Variants in LCE3D observed in about 807,000 individuals in gnomAD.
The protein encoded by LCE3D is late cornified envelope protein 3D.
For missense variants in LCE3D, 124 were observed against 121.1 expected, an observed-to-expected ratio of 1.02 and a Z score of -0.11; for synonymous variants, 46 against 47.3, an observed-to-expected ratio of 0.97 and a Z score of 0.11.
Position 152,579,968 on chromosome 1 carries a change from C to T in LCE3D, c.-21-11G>A, listed in dbSNP as rs1557783928. 1.9e-6 allele frequency: 3 copies of T among 1,613,840 alleles called. No individual in the cohort carries two copies. Among genetic ancestry groups the T allele is most frequent in the Non-Finnish European group, 2.5e-6 (3 of 1,180,022 alleles). ...AGGAGTTGAGTTGTCCTGGACAAAA[C>T]AAAGCCATTTGTTAGTCCAAAATCT... On this transcript the variant is annotated splice_polypyrimidine_tract_variant and intron_variant, in intron 1 of 1. Transcript: ENST00000368787.
intron 1 of LCE3D, 28 bp from the exon 2 acceptor site, chr1:152,579,985 C>T: frequency 6.2e-7 from 1 of 1,612,922 alleles, no homozygotes. Context: ...ATTTGTTAGT[C>T]CAAAATCTAC....
chr1:152,579,538 G>T lies in LCE3D; in HGVS notation c.*120C>A. 1 of 1,505,566 alleles carries T rather than the reference G, an allele frequency of 6.6e-7. No homozygotes were observed. The highest frequency in any genetic ancestry group is 9.0e-7 in the Non-Finnish European group (1 of 1,109,994). The allele number at this position is 1,505,566 out of a possible 1,614,324, so 93.3% of individuals were successfully genotyped here. A position where few individuals can be genotyped will look rare whatever the true frequency, so the allele number is the denominator to read the frequency against. On this transcript the variant is annotated 3_prime_UTR_variant, in exon 2 of 2. Coordinates refer to ENST00000368787, the MANE Select transcript of LCE3D (RefSeq NM_032563.2). ...CAGACCTTCCACAGGAAAACCCCTA[G>T]CTCAGCCTGTGAAAGCCAGAAGAGG...
At position 152,579,853 on chromosome 1, in the gene LCE3D, C is replaced by G; in HGVS notation, c.84G>C (p.Gln28His). The change falls in exon 2 of 2, where the codon CAG (glutamine) becomes CAC (histidine). Residue 28 changes from glutamine to histidine, a missense_variant. Coordinates refer to ENST00000368787, the MANE Select transcript of LCE3D (RefSeq NM_032563.2). ...AGCCAGAGGAAGCTGGAGGCAGACA[C>G]TGTACTGGGCTCTTTGGGGGACACT... is the stretch of plus-strand genomic sequence containing the variant. Reference protein sequence around the residue: ...SPKCPPKSPVQCLPPASSGCA... With the variant: ...SPKCPPKSPVHCLPPASSGCA... The G allele has an allele frequency of 6.2e-7, 1 of 1,613,928 alleles. No homozygotes were observed. Among genetic ancestry groups the G allele is most frequent in the East Asian group, 2.2e-5 (1 of 44,878 alleles).
rs1660175842 is a variant in LCE3D at position 152,579,535 on chromosome 1, C to T, written c.*123G>A. 3.3e-6 allele frequency: 5 copies of T among 1,492,844 alleles called. No individual in the cohort carries two copies. Among genetic ancestry groups the T allele is most frequent in the Middle Eastern group, 2.4e-4 (1 of 4,088 alleles). The allele number at this position is 1,492,844 out of a possible 1,614,324, so 92.5% of individuals were successfully genotyped here. A position where few individuals can be genotyped will look rare whatever the true frequency, so the allele number is the denominator to read the frequency against. ...GCTCAGACCTTCCACAGGAAAACCC[C>T]TAGCTCAGCCTGTGAAAGCCAGAAG... On this transcript the variant is annotated 3_prime_UTR_variant, in exon 2 of 2. Transcript: ENST00000368787.
At chr1:152,580,052 G>A in intron 1 of LCE3D, 95 bp from the exon 2 acceptor site, 1 of 1,484,868 alleles carries the variant, frequency 6.7e-7, no homozygotes, top group Non-Finnish European at 9.2e-7. Context: ...GGAAGGTGAG[G>A]GAAGCTGATG....
Position 152,579,553 on chromosome 1 carries a change from G to C in LCE3D, c.*105C>G, listed in dbSNP as rs550756109. The C allele has an allele frequency of 4.8e-5, 74 of 1,547,618 alleles. No homozygotes were observed. In the South Asian group the frequency reaches 8.8e-4, roughly 18 times the overall value. On this transcript the variant is annotated 3_prime_UTR_variant, in exon 2 of 2. Coordinates refer to ENST00000368787, the MANE Select transcript of LCE3D (RefSeq NM_032563.2). ...AAAACCCCTAGCTCAGCCTGTGAAAGCCAGAAGAGGGTATCTGGGAACTCA... is the reference window on the plus strand; with the variant it reads ...AAAACCCCTAGCTCAGCCTGTGAAACCCAGAAGAGGGTATCTGGGAACTCA...
chr1:152,580,078 A>ATGCCAGAT (rs1476407452), intron 1 of LCE3D, 121 bp from the exon 2 acceptor site: 36 of 1,152,830 alleles, frequency 3.1e-5, no homozygotes, highest in Non-Finnish European at 4.3e-5. Flanking sequence ...TTGGTGGGAC[A>ATGCCAGAT]TGCCAGATGC....
chr1:152,580,050 AG>A, intron 1 of LCE3D, 93 bp from the exon 2 acceptor site: 1 of 1,501,560 alleles, frequency 6.7e-7, no homozygotes, highest in Non-Finnish European at 9.1e-7. Context: ...CAGGAAGGTG[AG>A]GGAAGCTGAT....
At chr1:152,580,329 C>G in intron 1 of LCE3D, 140 bp downstream of exon 1, 1 of 250,060 alleles carries the variant, frequency 4.0e-6, no homozygotes, top group South Asian at 5.9e-5. Flanking sequence ...CCTCCTGGCC[C>G]CAGTTCCCAC....
Position 152,579,468 on chromosome 1 carries a change from G to T in LCE3D, c.*190C>A. ...CACAGGTACAGGGGTAAGGGAACAT[G>T]TGACATCCTGGACATCAGACAGGAA... is the stretch of plus-strand genomic sequence containing the variant. On this transcript the variant is annotated 3_prime_UTR_variant, in exon 2 of 2. Coordinates refer to ENST00000368787, the MANE Select transcript of LCE3D (RefSeq NM_032563.2). 1.2e-6 allele frequency: 1 copy of T among 813,296 alleles called. No individual in the cohort carries two copies. The highest frequency in any genetic ancestry group is 1.9e-6 in the Non-Finnish European group (1 of 523,648). The allele number at this position is 813,296 out of a possible 1,614,324, so 50.4% of individuals were successfully genotyped here. A position where few individuals can be genotyped will look rare whatever the true frequency, so the allele number is the denominator to read the frequency against.
Position 152,579,404 on chromosome 1 carries a change from A to AT in LCE3D, c.*253dup, listed in dbSNP as rs976994165. On this transcript the variant is annotated 3_prime_UTR_variant, in exon 2 of 2. Transcript: ENST00000368787. Reference sequence around the variant, plus strand: ...AGTGGTAATGAGGACAAGGAGCTTTATTTTTTGATGAGGTCAGGCACAAGC... The same window carrying AT: ...AGTGGTAATGAGGACAAGGAGCTTTATTTTTTTGATGAGGTCAGGCACAAGC... The AT allele has an allele frequency of 8.2e-4, 490 of 594,630 alleles. 3 individuals are homozygous for AT. The highest frequency in any genetic ancestry group is 1.3e-4 in the Non-Finnish European group (45 of 341,162). 36.8% of individuals were successfully genotyped at this position (594,630 alleles called of 1,614,324 possible). A position where few individuals can be genotyped will look rare whatever the true frequency, so the allele number is the denominator to read the frequency against.
At chr1:152,580,319 C>T (rs778350874) in intron 1 of LCE3D, 150 bp downstream of exon 1, 7 of 257,626 alleles carry the variant, frequency 2.7e-5, no homozygotes, top group Non-Finnish European at 5.2e-5. Context: ...GCAGGGTCTC[C>T]CTCCTGGCCC....
At chr1:152,580,024 C>T in intron 1 of LCE3D, 67 bp from the exon 2 acceptor site, 3 of 1,591,510 alleles carry the variant, frequency 1.9e-6, no homozygotes, top group Admixed American at 3.5e-5. Context: ...CCAGCGGCCT[C>T]CTGAGGCAAG....
Position 152,580,002 on chromosome 1 carries a change from A to G in LCE3D, c.-21-45T>C, listed in dbSNP as rs1483753284. 5.6e-6 allele frequency: 9 copies of G among 1,611,316 alleles called. No homozygotes were observed. The African/African-American group carries it at 8.0e-5, about 14-fold the overall frequency. On this transcript the variant is annotated intron_variant, in intron 1 of 1. Coordinates refer to ENST00000368787, the MANE Select transcript of LCE3D (RefSeq NM_032563.2). The stretch of plus-strand genomic sequence containing the variant: ...TTGTTAGTCCAAAATCTACAGTCCA[A>G]TGTCTCTAAGACCAGCGGCCTCCTG...
chr1:152,580,035 A>T, intron 1 of LCE3D, 78 bp from the exon 2 acceptor site: 1 of 1,559,836 alleles, frequency 6.4e-7, no homozygotes, highest in Non-Finnish European at 8.7e-7. Flanking sequence ...CTGAGGCAAG[A>T]GCTGCAGGAA....
Position 152,579,825 on chromosome 1 carries a change from C to A in LCE3D, c.112G>T (p.Ala38Ser), listed in dbSNP as rs1308488331. 6.2e-7 allele frequency: 1 copy of A among 1,613,886 alleles called. No individual in the cohort carries two copies. The highest frequency in any genetic ancestry group is 8.5e-7 in the Non-Finnish European group (1 of 1,180,030). Residue 38 changes from alanine (A) to serine (S), a missense_variant, in exon 2 of 2, where the codon GCC becomes TCC. By Grantham distance (99) the Ala-to-Ser change is moderately conservative. Coordinates refer to ENST00000368787, the MANE Select transcript of LCE3D (RefSeq NM_032563.2). Reference protein sequence around the residue: ...QCLPPASSGCAPSSGGCGPSS... With the variant: ...QCLPPASSGCSPSSGGCGPSS... ...GGGCCACAGCCCCCAGAGCTTGGGG[C>A]ACAGCCAGAGGAAGCTGGAGGCAGA...
In LCE3D at chr1:152,579,454, G is replaced by C. The variant is rs1660174689; in HGVS notation, c.*204C>G. The C allele has an allele frequency of 2.7e-6, 2 of 736,164 alleles. No individual in the cohort carries two copies. The highest frequency in any genetic ancestry group is 2.9e-5 in the Admixed American group (1 of 34,204). The allele number at this position is 736,164 out of a possible 1,614,324, so 45.6% of individuals were successfully genotyped here. ...CACTGCCAATCCTTCACAGGTACAGGGGTAAGGGAACATGTGACATCCTGG... is the reference window on the plus strand; with the variant it reads ...CACTGCCAATCCTTCACAGGTACAGCGGTAAGGGAACATGTGACATCCTGG... On this transcript the variant is annotated 3_prime_UTR_variant, in exon 2 of 2. Transcript: ENST00000368787.
Position 152,579,732 on chromosome 1 carries a change from T to A in LCE3D, c.205A>T (p.Asn69Tyr). The A allele has an allele frequency of 6.2e-7, 1 of 1,613,840 alleles. No homozygotes were observed. The highest frequency in any genetic ancestry group is 1.1e-5 in the South Asian group (1 of 91,074). ...TGACCACTGCCCCTGTCACAGGAGTTGGGCCTCTGGCGCCGGCATCGGTGG... is the reference window on the plus strand; with the variant it reads ...TGACCACTGCCCCTGTCACAGGAGTAGGGCCTCTGGCGCCGGCATCGGTGG... ...RHHRCRRQRP[N>Y]SCDRGSGQQG... Residue 69 changes from asparagine to tyrosine, a missense_variant, in exon 2 of 2, where the codon AAC (asparagine) becomes TAC (tyrosine). By Grantham distance (143) the Asn-to-Tyr change is moderately radical (BLOSUM62 -2). Transcript: ENST00000368787.
At position 152,579,678 on chromosome 1, in the gene LCE3D, C is replaced by T; in HGVS notation, c.259G>A (p.Gly87Ser). ...QQGGGSGCGH[G>S]SGGCC ...CCAGGTCAGCAGCAGCCTCCAGAGC[C>T]ATGGCCGCAGCCAGAGCCCCCGCCT... Residue 87 changes from glycine to serine, a missense_variant, in exon 2 of 2, where the codon GGC becomes AGC. Physicochemically the swap from Gly to Ser is moderately conservative, Grantham distance 56. Transcript: ENST00000368787. 6.2e-7 allele frequency: 1 copy of T among 1,613,846 alleles called. No homozygotes were observed. Among genetic ancestry groups the T allele is most frequent in the Non-Finnish European group, 8.5e-7 (1 of 1,180,006 alleles).
Sources: allele counts gnomAD v4.1 joint callset, GRCh38; gene constraint gnomAD v4.1.1; transcripts MANE v1.5; gene names NCBI Gene and HGNC (gene_info 2026-07-23, HGNC 2026-07-21).